IQCF5: variants seen among roughly 807,000 people sequenced by gnomAD.
IQCF5 encodes IQ motif containing F5, also known as IQ domain-containing protein F5.
Under a neutral mutation model 3.4 loss-of-function variants are expected in IQCF5, and 2 were observed. That is an observed-to-expected ratio of 0.58 (90% CI 0.24 to 1.84). IQCF5 has a LOEUF of 1.84. Ranked by LOEUF, IQCF5 falls within the 40% of genes most tolerant of loss-of-function variation. The probability of loss-of-function intolerance (pLI) is 0.17; values close to 1 mark genes in which losing one functional copy is unlikely to be tolerated. For missense variants in IQCF5, 167 were observed against 191.6 expected, an observed-to-expected ratio of 0.87 and a Z score of 0.76; for synonymous variants, 58 against 64.7, an observed-to-expected ratio of 0.90 and a Z score of 0.49.
chr3:51,874,262 G>T, intron 1 of IQCF5, 87 bp from the exon 2 acceptor site: 1 of 1,355,154 alleles, frequency 7.4e-7, no homozygotes, highest in Non-Finnish European at 1.0e-6. Flanking sequence ...CTAAAGTTCA[G>T]CACTGGGCAG....
Position 51,873,750 on chromosome 3 carries a change from G to A in IQCF5, c.430C>T (p.Leu144Phe). The change falls in exon 2 of 2, where the codon CTT becomes TTT. Residue 144 changes from leucine (L) to phenylalanine (F), a missense_variant. Coordinates refer to ENST00000446461, the MANE Select transcript of IQCF5 (RefSeq NM_001145059.2). ...AGACCTGGTCATTCTTTTAATGGAA[G>A]GGGTATGCATTGTTGCACCTTACAA... Reference protein sequence around the residue: ...QACKVQQCIPLPLKE With the variant: ...QACKVQQCIPFPLKE 6.5e-7 allele frequency: 1 copy of A among 1,550,224 alleles called. No homozygotes were observed. The highest frequency in any genetic ancestry group is 8.7e-7 in the Non-Finnish European group (1 of 1,145,750).
chr3:51,874,538 G>T (rs898826868), intron 1 of IQCF5: 1 of 446,158 alleles, frequency 2.2e-6, no homozygotes, highest in Non-Finnish European at 4.4e-6. Flanking sequence ...CGCTGAAGAA[G>T]TGGTGTCCTT....
chr3:51,874,721 A>C, intron 1 of IQCF5: 5 of 187,004 alleles, frequency 2.7e-5, no homozygotes, highest in East Asian at 1.3e-4. Flanking sequence ...ACTAACACAC[A>C]TTTTGCCCCT....
intron 1 of IQCF5, chr3:51,874,385 T>C (rs1346192393): frequency 2.9e-6 from 2 of 698,694 alleles, no homozygotes; most frequent in Non-Finnish European, 5.2e-6. Context: ...ATCTGCAAAA[T>C]AGGTGTACAT....
intron 1 of IQCF5, chr3:51,875,232 A>T: frequency 2.3e-6 from 1 of 427,344 alleles, no homozygotes; most frequent in Non-Finnish European, 4.3e-6. Flanking sequence ...ATGTTTAATG[A>T]TCATTTAAAA....
In IQCF5 at chr3:51,874,173, G is replaced by C; in HGVS notation, c.7C>G (p.Pro3Ala). 1 of 1,549,396 alleles carries C rather than the reference G, an allele frequency of 6.5e-7. No individual in the cohort carries two copies. MG[P>A]EEKTIMTERS... ...TCTGTCATGATGGTCTTCTCTTCTG[G>C]GCCTTACAAGAGAAAACAGACACAC... Residue 3 changes from proline (P) to alanine (A), a missense_variant and splice_region_variant, in exon 2 of 2, where the codon CCA (proline) becomes GCA (alanine). Coordinates refer to ENST00000446461, the MANE Select transcript of IQCF5 (RefSeq NM_001145059.2).
chr3:51,874,022 A>C lies in IQCF5; in HGVS notation c.158T>G (p.Leu53Arg). 1.3e-6 allele frequency: 2 copies of C among 1,552,978 alleles called. No individual in the cohort carries two copies. The highest frequency in any genetic ancestry group is 1.7e-6 in the Non-Finnish European group (2 of 1,147,610). The change falls in exon 2 of 2, where the codon CTG becomes CGG. Residue 53 changes from leucine to arginine, a missense_variant. Physicochemically the swap from Leu to Arg is moderately radical, Grantham distance 102. Coordinates refer to ENST00000446461, the MANE Select transcript of IQCF5 (RefSeq NM_001145059.2). ...CWWRQVLEKL[L>R]AKRRRMVLEF... ...CAACACCATCCTCCGCCTCTTTGCC[A>C]GCAGCTTCTCCAGCACCTGCCTCCA...
chr3:51,875,222 A>G, intron 1 of IQCF5: 1 of 406,628 alleles, frequency 2.5e-6, no homozygotes, highest in South Asian at 2.7e-5. Flanking sequence ...TTTCATCATT[A>G]TGTTTAATGA....
intron 1 of IQCF5, chr3:51,874,424 A>C: frequency 1.5e-6 from 1 of 660,406 alleles, no homozygotes; most frequent in Non-Finnish European, 2.8e-6. Context: ...TCCATTTTCC[A>C]TGGACCTTGC....
chr3:51,874,528 C>T (rs1440370316), intron 1 of IQCF5: 13 of 459,146 alleles, frequency 2.8e-5, no homozygotes, highest in Non-Finnish European at 2.6e-5. Flanking sequence ...CCCTCCCATC[C>T]GCTGAAGAAG....
intron 1 of IQCF5, chr3:51,875,187 T>A: frequency 3.3e-6 from 1 of 304,522 alleles, no homozygotes; most frequent in Non-Finnish European, 6.4e-6. Flanking sequence ...CCTTTGTTCC[T>A]TCCAGCTCTG....
chr3:51,874,914 T>A (rs1203051070), intron 1 of IQCF5: 2 of 177,992 alleles, frequency 1.1e-5, no homozygotes, highest in Admixed American at 1.1e-4. Context: ...CAGCTCTGCA[T>A]ACCCTGACGT....
rs1209611192 is a variant in IQCF5, at chr3:51,875,508, T to C, written c.4+20A>G. Reference sequence around the variant, plus strand: ...GGACAGGTCGTAAAATTCGCACAGGTCTGGACTTTACTAAATTACCCATGG... The same window carrying C: ...GGACAGGTCGTAAAATTCGCACAGGCCTGGACTTTACTAAATTACCCATGG... On this transcript the variant is annotated intron_variant, in intron 1 of 1. Coordinates refer to ENST00000446461, the MANE Select transcript of IQCF5 (RefSeq NM_001145059.2). 4 of 1,552,186 alleles carry C rather than the reference T, an allele frequency of 2.6e-6. No individual in the cohort carries two copies. In the Admixed American group the frequency reaches 7.8e-5, roughly 30 times the overall value.
chr3:51,874,071 T>C lies in IQCF5; in HGVS notation c.109A>G (p.Arg37Gly), dbSNP rs1349452284. The C allele has an allele frequency of 6.4e-7, 1 of 1,553,312 alleles. No homozygotes were observed. Among genetic ancestry groups the C allele is most frequent in the Non-Finnish European group, 8.7e-7 (1 of 1,147,792 alleles). The stretch of plus-strand genomic sequence containing the variant: ...CACCAGCACTGAATGATCCAAGCCC[T>C]GAGGGCTGCATGCAGCAGTGTGCGT... ...VRRTLLHAAL[R>G]AWIIQCWWRQ... is the part of the protein sequence containing the mutation. The change falls in exon 2 of 2, where the codon AGG becomes GGG. Residue 37 changes from arginine (R) to glycine (G), a missense_variant. Coordinates refer to ENST00000446461, the MANE Select transcript of IQCF5 (RefSeq NM_001145059.2).
At chr3:51,875,433 C>T in intron 1 of IQCF5, 95 bp downstream of exon 1, 2 of 1,360,660 alleles carry the variant, frequency 1.5e-6, no homozygotes, top group East Asian at 2.5e-5. Flanking sequence ...TTACTCTCCC[C>T]TCAGAAAGCT....
intron 1 of IQCF5, chr3:51,874,807 C>A (rs542689688): frequency 9.7e-6 from 2 of 205,168 alleles, no homozygotes; most frequent in East Asian, 2.3e-4. Context: ...CTCTGCCCCA[C>A]TCCTGGCCAC....
rs894767227 is a variant in IQCF5, at chr3:51,875,249, G to T, written c.4+279C>A. 15 of 453,404 alleles carry T rather than the reference G, an allele frequency of 3.3e-5. No homozygotes were observed. The East Asian group carries it at 4.8e-4, about 14-fold the overall frequency. The allele number at this position is 453,404 out of a possible 1,614,324, so 28.1% of individuals were successfully genotyped here. Reference sequence around the variant, plus strand: ...GTTTAATGATCATTTAAAACAGCTTGCCATCCTTCTGGAATCAGAGTGTAT... The same window carrying T: ...GTTTAATGATCATTTAAAACAGCTTTCCATCCTTCTGGAATCAGAGTGTAT... On this transcript the variant is annotated intron_variant, in intron 1 of 1. Transcript: ENST00000446461.
Position 51,874,128 on chromosome 3 carries a change from T to C in IQCF5, c.52A>G (p.Ile18Val). 1.3e-6 allele frequency: 2 copies of C among 1,552,296 alleles called. No homozygotes were observed. The highest frequency in any genetic ancestry group is 1.2e-5 in the South Asian group (1 of 84,070). The change falls in exon 2 of 2, where the codon ATC becomes GTC. Residue 18 changes from isoleucine (I) to valine (V), a missense_variant. Ile to Val is a conservative substitution (Grantham distance 29). Transcript: ENST00000446461. ...AGCATGCCCCGCCACCAGGCCTGGA[T>C]GAAAACAGCTGCAGACCTTTCTGTC... ...IMTERSAAVF[I>V]QAWWRGMLVR...
Position 51,874,160 on chromosome 3 carries a change from G to A in IQCF5, c.20C>T (p.Thr7Ile). 6.4e-7 allele frequency: 1 copy of A among 1,551,300 alleles called. No individual in the cohort carries two copies. The highest frequency in any genetic ancestry group is 8.7e-7 in the Non-Finnish European group (1 of 1,146,596). ...AGCTGCAGACCTTTCTGTCATGATGGTCTTCTCTTCTGGGCCTTACAAGAG... is the reference window on the plus strand; with the variant it reads ...AGCTGCAGACCTTTCTGTCATGATGATCTTCTCTTCTGGGCCTTACAAGAG... MGPEEK[T>I]IMTERSAAVF... The change falls in exon 2 of 2, where the codon ACC (threonine) becomes ATC (isoleucine). Residue 7 changes from threonine to isoleucine, a missense_variant. Thr to Ile is a moderately conservative substitution (Grantham distance 89, BLOSUM62 -1). Transcript: ENST00000446461.
Sources: allele counts gnomAD v4.1 joint callset, GRCh38; gene constraint gnomAD v4.1.1; transcripts MANE v1.5; gene names NCBI Gene and HGNC (gene_info 2026-07-23, HGNC 2026-07-21).